ERBB4: variants seen among roughly 807,000 people sequenced by gnomAD.
ERBB4 encodes the protein erb-b2 receptor tyrosine kinase 4.
Under a neutral mutation model 158.0 loss-of-function variants are expected in ERBB4, and 42 were observed. The observed-to-expected ratio is 0.27, with a 90% CI of 0.21 to 0.34. The LOEUF (loss-of-function observed/expected upper bound fraction) is 0.34. Ranked by LOEUF, ERBB4 falls within the 10% of genes least tolerant of loss-of-function variation. The pLI is 1.00. For missense variants in ERBB4, 1,333 were observed against 1,624.1 expected (o/e 0.82, Z 3.08); for synonymous variants, 583 against 558.7 (o/e 1.04, Z -0.61).
At chr2:211,536,206 G>C (rs1346043091) in intron 20 of ERBB4, among the ~76,000 whole-genome samples, 1 of 152,032 alleles carries the variant, frequency 6.6e-6, no homozygotes, top group East Asian at 1.9e-4. Context: ...AAATTTTTCA[G>C]CTGAAAGGAA....
At chr2:211,680,164 AT>A (rs1369314895) in intron 12 of ERBB4, among the ~76,000 whole-genome samples, 1 of 152,230 alleles carries the variant, frequency 6.6e-6, no homozygotes, top group Non-Finnish European at 1.5e-5. Flanking sequence ...TGTTATCTCT[AT>A]TTTTTGTTGT....
At chr2:211,578,977 T>A (rs1331483059) in intron 19 of ERBB4, among the ~76,000 whole-genome samples, 1 of 152,146 alleles carries the variant, frequency 6.6e-6, no homozygotes, top group African/African-American at 2.4e-5. Context: ...AAAGATCTTC[T>A]GCACAGCCAA....
chr2:211,509,099 C>T (rs761786534), intron 20 of ERBB4, among the ~76,000 whole-genome samples: 4 of 152,120 alleles, frequency 2.6e-5, no homozygotes, highest in South Asian at 2.1e-4. Context: ...AACCAAACAC[C>T]GCATGTTCTC....
intron 3 of ERBB4, among the ~76,000 whole-genome samples, chr2:211,869,041 T>C (rs1279960160): frequency 1.3e-5 from 2 of 152,150 alleles, no homozygotes; most frequent in African/African-American, 4.8e-5. Context: ...TTTCTCTAAG[T>C]TAAAGTCTAA....
intron 1 of ERBB4, among the ~76,000 whole-genome samples, chr2:212,498,792 AC>A (rs1448519213): frequency 6.6e-6 from 1 of 152,036 alleles, no homozygotes; most frequent in Non-Finnish European, 1.5e-5. Flanking sequence ...AGATTGAAAG[AC>A]CCTAACTACT....
chr2:211,914,294 G>T (rs2079626834), intron 3 of ERBB4, among the ~76,000 whole-genome samples: 1 of 148,994 alleles, frequency 6.7e-6, no homozygotes, highest in Admixed American at 6.7e-5. Flanking sequence ...TCTCTTTGCT[G>T]TCACATGAAT....
intron 1 of ERBB4, among the ~76,000 whole-genome samples, chr2:212,430,031 C>A (rs1009027894): frequency 2.0e-5 from 3 of 152,072 alleles, no homozygotes; most frequent in African/African-American, 7.2e-5. Context: ...ATGAGAGAAC[C>A]ACTTAGACAT....
chr2:211,501,226 G>GT (rs1360768957), intron 20 of ERBB4, among the ~76,000 whole-genome samples: 2 of 151,790 alleles, frequency 1.3e-5, no homozygotes, highest in Non-Finnish European at 2.9e-5. Context: ...CATAAGAAGG[G>GT]TTGGTTAATG....
intron 4 of ERBB4, chr2:211,777,519 C>G (rs13031388): frequency 6.6e-6 from 1 of 152,148 alleles, no homozygotes; most frequent in Admixed American, 6.5e-5. Context: ...TATCTCATGC[C>G]TGAAAGAAAT....
At chr2:211,655,037 C>T (rs1318495365) in intron 16 of ERBB4, among the ~76,000 whole-genome samples, 6 of 152,120 alleles carry the variant, frequency 3.9e-5, no homozygotes, top group African/African-American at 7.2e-5. Context: ...TAACAAGATA[C>T]ACTATGATTT....
At chr2:211,806,144 C>T (rs2076608334) in intron 3 of ERBB4, among the ~76,000 whole-genome samples, 1 of 151,656 alleles carries the variant, frequency 6.6e-6, no homozygotes, top group African/African-American at 2.4e-5. Flanking sequence ...AAAATAAATG[C>T]CTAGATGTGT....
chr2:212,064,240 T>C (rs1259241726), intron 2 of ERBB4, among the ~76,000 whole-genome samples: 1 of 152,178 alleles, frequency 6.6e-6, no homozygotes, highest in African/African-American at 2.4e-5. Context: ...TAGCATATTA[T>C]AAATGATTAG....
chr2:211,553,531 C>G (rs2067160075), intron 20 of ERBB4, among the ~76,000 whole-genome samples: 1 of 152,126 alleles, frequency 6.6e-6, no homozygotes, highest in African/African-American at 2.4e-5. Context: ...TTAGGGTATT[C>G]TAACTATAAA....
chr2:211,884,741 T>C (rs1206095584), intron 3 of ERBB4, among the ~76,000 whole-genome samples: 1 of 152,216 alleles, frequency 6.6e-6, no homozygotes, highest in Non-Finnish European at 1.5e-5. Flanking sequence ...ACTCTTGTGA[T>C]AGATATTAGC....
chr2:211,948,725 G>C (rs962469506), intron 2 of ERBB4, among the ~76,000 whole-genome samples: 3 of 151,928 alleles, frequency 2.0e-5, no homozygotes, highest in Non-Finnish European at 4.4e-5. Context: ...CCAATTTCAT[G>C]TTATTCTAAC....
At chr2:211,483,837 C>A (rs1307824293) in intron 20 of ERBB4, among the ~76,000 whole-genome samples, 1 of 152,232 alleles carries the variant, frequency 6.6e-6, no homozygotes, top group African/African-American at 2.4e-5. Context: ...AGGCATGAAC[C>A]ACCGTGCCCG....
At chr2:211,807,576 C>T (rs544854895) in intron 3 of ERBB4, among the ~76,000 whole-genome samples, 2 of 152,296 alleles carry the variant, frequency 1.3e-5, no homozygotes, top group South Asian at 4.1e-4. Context: ...CAATTCTTTG[C>T]TATTGTGAAT....
At chr2:212,178,447 C>T (rs1162519571) in intron 1 of ERBB4, among the ~76,000 whole-genome samples, 1 of 151,626 alleles carries the variant, frequency 6.6e-6, no homozygotes, top group African/African-American at 2.4e-5. Context: ...ATGGACAAGA[C>T]TTGATGATGA....
chr2:211,762,947 C>T (rs2075451279), intron 4 of ERBB4, among the ~76,000 whole-genome samples: 1 of 152,160 alleles, frequency 6.6e-6, no homozygotes, highest in Admixed American at 6.5e-5. Flanking sequence ...CCATTCTCCT[C>T]AAGTATTTTT....
Sources: gnomAD v4.1 joint callset for allele counts (sites outside exome capture counted in the v4.1 genomes callset) on GRCh38, gnomAD v4.1.1 for gene constraint, MANE v1.5 for transcripts, NCBI Gene and HGNC (gene_info 2026-07-23, HGNC 2026-07-21) for gene names.